PRKN: variants seen among roughly 807,000 people sequenced by gnomAD.
PRKN encodes the protein parkin RBR E3 ubiquitin protein ligase, also known as E3 ubiquitin-protein ligase parkin.
PRKN carries 56 observed loss-of-function variants against 59.5 expected under a neutral mutation model. The ratio of observed to expected loss-of-function variants is 0.94; its 90% CI spans 0.76 to 1.18. PRKN has a LOEUF of 1.18. Ranked by LOEUF, PRKN falls within the 50% of genes most tolerant of loss-of-function variation. PRKN has a pLI of 0.00. For synonymous variants in PRKN, 250 were observed against 222.1 expected, an observed-to-expected ratio of 1.13 and a Z score of -1.12; for missense variants, 657 against 596.4, an observed-to-expected ratio of 1.10 and a Z score of -1.06.
At position 162,284,728 on chromosome 6, in the gene PRKN, C is replaced by T. The variant is rs569293323; in HGVS notation, c.172-21963G>A. 4.8e-4 allele frequency among the ~76,000 whole-genome samples: 73 copies of T among 152,296 alleles called. 1 individual carries two copies. Among genetic ancestry groups the T allele is most frequent in the African/African-American group, 1.6e-3 (66 of 41,564 alleles). ...GACATTCACAGCTGAGAATGATATT[C>T]GTATACATCTGGGCCACAGACTAGC... On this transcript the variant is annotated intron_variant, in intron 2 of 11. Transcript: ENST00000366898.
intron 1 of PRKN, among the ~76,000 whole-genome samples, chr6:162,593,162 C>G (rs1781374819): frequency 6.6e-6 from 1 of 152,160 alleles, no homozygotes; most frequent in Non-Finnish European, 1.5e-5. Context: ...TATAAGAGCA[C>G]AGCCCAGGAA....
intron 1 of PRKN, among the ~76,000 whole-genome samples, chr6:162,621,567 T>C (rs1782666366): frequency 1.3e-5 from 2 of 152,148 alleles, no homozygotes; most frequent in African/African-American, 4.8e-5. Flanking sequence ...GCTAAATGAA[T>C]GGTCTTTGTT....
intron 1 of PRKN, among the ~76,000 whole-genome samples, chr6:162,555,940 G>A (rs888639813): frequency 7.1e-5 from 9 of 125,984 alleles, no homozygotes; most frequent in Non-Finnish European, 6.3e-5. Flanking sequence ...GCGGTGTGCC[G>A]AAATGGCTCC....
chr6:162,346,777 A>G (rs1784421634), intron 2 of PRKN, among the ~76,000 whole-genome samples: 1 of 152,162 alleles, frequency 6.6e-6, no homozygotes, highest in East Asian at 1.9e-4. Context: ...AAATTACATT[A>G]TTGATTATTT....
chr6:162,041,947 T>G (rs529657896), intron 5 of PRKN, among the ~76,000 whole-genome samples: 1 of 152,198 alleles, frequency 6.6e-6, no homozygotes, highest in East Asian at 1.9e-4. Context: ...TGATCCTGCA[T>G]GTTCCCTAGG....
At chr6:161,997,907 G>C (rs756095260) in intron 5 of PRKN, among the ~76,000 whole-genome samples, 40 of 152,216 alleles carry the variant, frequency 2.6e-4, no homozygotes, top group Admixed American at 6.5e-4. Flanking sequence ...AAGCCCTCTC[G>C]TAGTTGGCTG....
chr6:161,639,677 G>A (rs1026084686), intron 7 of PRKN, among the ~76,000 whole-genome samples: 4 of 152,128 alleles, frequency 2.6e-5, no homozygotes, highest in South Asian at 2.1e-4. Flanking sequence ...CCCTGCACAG[G>A]ACTAGAGTGA....
intron 4 of PRKN, among the ~76,000 whole-genome samples, chr6:162,106,521 A>G (rs1049889565): frequency 3.9e-5 from 6 of 152,066 alleles, no homozygotes; most frequent in African/African-American, 1.4e-4. Context: ...CAACTTCATT[A>G]ATATCTATTT....
At chr6:162,538,461 TA>T (rs11434588) in intron 1 of PRKN, among the ~76,000 whole-genome samples, 2 of 151,794 alleles carry the variant, frequency 1.3e-5, no homozygotes, top group Non-Finnish European at 2.9e-5. Flanking sequence ...CAACACAACT[TA>T]AAAAACCATC....
At chr6:162,491,755 C>T (rs551577949) in intron 1 of PRKN, among the ~76,000 whole-genome samples, 4 of 152,130 alleles carry the variant, frequency 2.6e-5, no homozygotes, top group African/African-American at 9.7e-5. Flanking sequence ...GGGTCCACAC[C>T]GGGTAGCTTG....
chr6:162,388,831 C>T (rs1786994785), intron 2 of PRKN, among the ~76,000 whole-genome samples: 1 of 152,064 alleles, frequency 6.6e-6, no homozygotes, highest in Admixed American at 6.5e-5. Context: ...ACAGACTCAG[C>T]CCAAATGTAG....
intron 1 of PRKN, among the ~76,000 whole-genome samples, chr6:162,576,648 C>A (rs1437528803): frequency 2.6e-5 from 4 of 151,986 alleles, no homozygotes; most frequent in Admixed American, 1.3e-4. Context: ...CCTGTCTCTA[C>A]TAAAAATACA....
chr6:162,333,887 C>T (rs1783708232), intron 2 of PRKN, among the ~76,000 whole-genome samples: 1 of 152,106 alleles, frequency 6.6e-6, no homozygotes, highest in Non-Finnish European at 1.5e-5. Flanking sequence ...TTCATGAAGG[C>T]AATGAAAAGT....
chr6:162,042,487 T>C (rs1331371914), intron 5 of PRKN, among the ~76,000 whole-genome samples: 1 of 151,920 alleles, frequency 6.6e-6, no homozygotes, highest in Non-Finnish European at 1.5e-5. Flanking sequence ...TGGGGTCTCA[T>C]AATGTTGCCT....
In PRKN at chr6:161,448,434, A is replaced by G. The variant is rs187565770; in HGVS notation, c.1084-61557T>C. Among the ~76,000 whole-genome samples the G allele has an allele frequency of 1.3e-5, 2 of 152,282 alleles. No homozygotes were observed. Among genetic ancestry groups the G allele is most frequent in the East Asian group, 3.9e-4 (2 of 5,184 alleles). On this transcript the variant is annotated intron_variant, in intron 9 of 11. Coordinates refer to ENST00000366898, the MANE Select transcript of PRKN (RefSeq NM_004562.3). The surrounding 1 kb of genome is among the most constrained non-coding windows in gnomAD (Gnocchi z 5.1). ...AAATACAAAGACTAATGTAATCAGG[A>G]CTCACATATCCACATCTTAGATTTA...
intron 5 of PRKN, among the ~76,000 whole-genome samples, chr6:162,020,825 C>T (rs1008242499): frequency 6.6e-6 from 1 of 151,888 alleles, no homozygotes; most frequent in African/African-American, 2.4e-5. Flanking sequence ...ATGTAATGGG[C>T]CCGGCGCGGT....
At chr6:162,310,592 T>A (rs1045235268) in intron 2 of PRKN, among the ~76,000 whole-genome samples, 6 of 151,700 alleles carry the variant, frequency 4.0e-5, no homozygotes, top group African/African-American at 1.2e-4. Context: ...TTCATGGTAA[T>A]TGTGGGGTGG....
At chr6:162,579,521 A>G (rs1780697621) in intron 1 of PRKN, among the ~76,000 whole-genome samples, 1 of 122,526 alleles carries the variant, frequency 8.2e-6, no homozygotes, top group Non-Finnish European at 1.9e-5. Context: ...ACACAGATTC[A>G]CACAGATTCT....
At chr6:161,885,597 G>C (rs973356741) in intron 6 of PRKN, among the ~76,000 whole-genome samples, 2 of 151,310 alleles carry the variant, frequency 1.3e-5, no homozygotes, top group Non-Finnish European at 2.9e-5. Context: ...CCCGGGAGGC[G>C]GAGCTTGCAG....
Sources: allele counts gnomAD v4.1 joint callset (sites outside exome capture counted in the v4.1 genomes callset), GRCh38; gene constraint gnomAD v4.1.1; non-coding constraint Gnocchi (gnomAD v3.1); transcripts MANE v1.5; gene names NCBI Gene and HGNC (gene_info 2026-07-23, HGNC 2026-07-21).